The following LAMB2 variants were observed in gnomAD, a reference collection of about 807,000 sequenced individuals.
The protein encoded by LAMB2 is laminin subunit beta 2.
In LAMB2, 119 loss-of-function variants were observed where a neutral mutation model predicts 202.7. That is an observed-to-expected ratio of 0.59 (90% confidence interval 0.51 to 0.68). The LOEUF (loss-of-function observed/expected upper bound fraction) is 0.68. Ranked by LOEUF, LAMB2 falls within the 30% of genes least tolerant of loss-of-function variation. The probability of loss-of-function intolerance (pLI) is 0.00; values close to 1 mark genes in which losing one functional copy is unlikely to be tolerated. For missense variants in LAMB2, 2,124 were observed against 2,410.6 expected, an observed-to-expected ratio of 0.88 and a Z score of 2.49; for synonymous variants, 818 against 902.2, an observed-to-expected ratio of 0.91 and a Z score of 1.67.
Position 49,122,365 on chromosome 3 carries a change from C to T in LAMB2, c.4579G>A (p.Gly1527Arg). The T allele has an allele frequency of 6.2e-7, 1 of 1,613,184 alleles. No individual in the cohort carries two copies. The highest frequency in any genetic ancestry group is 1.6e-4 in the Middle Eastern group (1 of 6,062). Residue 1527 changes from glycine (G) to arginine (R), a missense_variant, in exon 28 of 32, where the codon GGG becomes AGG. Gly to Arg is a moderately radical substitution (Grantham distance 125, BLOSUM62 -2). Coordinates refer to ENST00000305544, the MANE Select transcript of LAMB2 (RefSeq NM_002292.4). ...QSVKDFLNQE[G>R]ADPDSIEMVA... is the part of the protein sequence containing the mutation. The stretch of plus-strand genomic sequence containing the variant: ...ATTTCAATGCTATCAGGATCAGCCC[C>T]CTCCTCTATAGGGACACAGCAAGAA...
At chr3:49,127,317 A>G (rs575351208) in intron 15 of LAMB2, among the ~76,000 whole-genome samples, 1 of 152,274 alleles carries the variant, frequency 6.6e-6, no homozygotes, top group East Asian at 1.9e-4. Flanking sequence ...CACAAGTCAC[A>G]GTTGGCAAAA....
chr3:49,130,917 C>T lies in LAMB2; in HGVS notation c.915+33G>A, dbSNP rs1560076514. ...TGCTCAGCCATGTCCGCCCCTGCCC[C>T]TAGCCCTATCCCAACCGTCTGAAGC... On this transcript the variant is annotated intron_variant, in intron 7 of 31. Transcript: ENST00000305544. The surrounding 1 kb of genome is among the most constrained non-coding windows in gnomAD (Gnocchi z 5.0). The T allele has an allele frequency of 3.7e-6, 6 of 1,614,172 alleles. No homozygotes were observed. Among genetic ancestry groups the T allele is most frequent in the Non-Finnish European group, 4.2e-6 (5 of 1,180,034 alleles).
Position 49,122,323 on chromosome 3 carries a change from G to C in LAMB2, c.4621C>G (p.Leu1541Val). ...GCTGAAGCTGGGATGGAGAGCTCTA[G>C]CACCCGTGTGGCCACCATTTCAATG... ...DSIEMVATRV[L>V]ELSIPASAEQ... is the part of the protein sequence containing the mutation. Residue 1541 changes from leucine to valine, a missense_variant, in exon 28 of 32, where the codon CTA becomes GTA. Around this residue, in one of 3 missense-constraint regions of LAMB2, gnomAD observed 1,702 missense variants for 1,896.3 expected, o/e 0.90. Transcript: ENST00000305544. The C allele has an allele frequency of 2.5e-6, 4 of 1,613,434 alleles. No individual in the cohort carries two copies. Among genetic ancestry groups the C allele is most frequent in the Non-Finnish European group, 3.4e-6 (4 of 1,179,986 alleles).
Position 49,130,322 on chromosome 3 carries a change from C to T in LAMB2, c.1134G>A (p.Gln378=). Residue 378 remains glutamine, a synonymous_variant, in exon 9 of 32, where the codon CAG becomes CAA. Coordinates refer to ENST00000305544, the MANE Select transcript of LAMB2 (RefSeq NM_002292.4). The surrounding 1 kb of genome is among the most constrained non-coding windows in gnomAD (Gnocchi z 5.0). Reference sequence around the variant, plus strand: ...CACAGTGGCGCCCAGCTGTGTTATGCTGACATCCATCACACACACCTCCAC... The same window carrying T: ...CACAGTGGCGCCCAGCTGTGTTATGTTGACATCCATCACACACACCTCCAC... ...NVSGGVCDGC[Q]HNTAGRHCEL... 6.2e-7 allele frequency: 1 copy of T among 1,614,174 alleles called. No homozygotes were observed. The highest frequency in any genetic ancestry group is 8.5e-7 in the Non-Finnish European group (1 of 1,180,030).
At chr3:49,121,393 G>T (rs775193564) in intron 31 of LAMB2, 31 bp from the exon 32 acceptor site, 1 of 1,614,078 alleles carries the variant, frequency 6.2e-7, no homozygotes, top group Non-Finnish European at 8.5e-7. Context: ...TTTAGGGGGG[G>T]TTTCCCGCAG....
Position 49,130,933 on chromosome 3 carries a change from C to T in LAMB2, c.915+17G>A, listed in dbSNP as rs777848661. The T allele has an allele frequency of 1.2e-5, 19 of 1,614,014 alleles. No individual in the cohort carries two copies. The highest frequency in any genetic ancestry group is 1.7e-5 in the Admixed American group (1 of 60,014). On this transcript the variant is annotated intron_variant, in intron 7 of 31. Transcript: ENST00000305544. The surrounding 1 kb of genome is among the most constrained non-coding windows in gnomAD (Gnocchi z 5.0). ...CCCCTGCCCCTAGCCCTATCCCAACCGTCTGAAGCCCCTTACCATGCCCTC... is the reference window on the plus strand; with the variant it reads ...CCCCTGCCCCTAGCCCTATCCCAACTGTCTGAAGCCCCTTACCATGCCCTC...
rs2045478102 is a variant in LAMB2, at chr3:49,131,212, C to T, written c.713-60G>A. 2 of 1,546,592 alleles carry T rather than the reference C, an allele frequency of 1.3e-6. No individual in the cohort carries two copies. Among genetic ancestry groups the T allele is most frequent in the Non-Finnish European group, 1.8e-6 (2 of 1,123,182 alleles). Reference sequence around the variant, plus strand: ...AGGCCCTTGCTGCCCCATGTCCACCCAGGGGCTCAGCTGCCAAGGTCACCT... The same window carrying T: ...AGGCCCTTGCTGCCCCATGTCCACCTAGGGGCTCAGCTGCCAAGGTCACCT... On this transcript the variant is annotated intron_variant, in intron 6 of 31. Transcript: ENST00000305544. This position sits in a 1 kb window ranked among gnomAD's most constrained non-coding sequence, Gnocchi z 5.0.
chr3:49,132,519 T>C lies in LAMB2; in HGVS notation c.221A>G (p.Gln74Arg). The C allele has an allele frequency of 6.2e-7, 1 of 1,613,850 alleles. No homozygotes were observed. Among genetic ancestry groups the C allele is most frequent in the Non-Finnish European group, 8.5e-7 (1 of 1,180,022 alleles). Reference sequence around the variant, plus strand: ...CAGGTGACTGACGATGCAGTAGGGCTGGGGGCCATTCAGGCCACAAGTGGA... The same window carrying C: ...CAGGTGACTGACGATGCAGTAGGGCCGGGGGCCATTCAGGCCACAAGTGGA... ...ASSTCGLNGPQPYCIVSHLQD... is the reference protein window; with the variant it reads ...ASSTCGLNGPRPYCIVSHLQD... The change falls in exon 2 of 32, where the codon CAG becomes CGG. Residue 74 changes from glutamine (Q) to arginine (R), a missense_variant. Coordinates refer to ENST00000305544, the MANE Select transcript of LAMB2 (RefSeq NM_002292.4). This position sits in a 1 kb window ranked among gnomAD's most constrained non-coding sequence, Gnocchi z 4.6.
rs1391931430 is a variant in LAMB2, at chr3:49,129,736, T to C, written c.1406-20A>G. Reference sequence around the variant, plus strand: ...GACATCCTGCAGGGAAGGAGAACCATCAGCACTTTGGGAAACTGTGGCAGT... The same window carrying C: ...GACATCCTGCAGGGAAGGAGAACCACCAGCACTTTGGGAAACTGTGGCAGT... On this transcript the variant is annotated intron_variant, in intron 10 of 31. Transcript: ENST00000305544. The surrounding 1 kb of genome is among the most constrained non-coding windows in gnomAD (Gnocchi z 6.1). 2.5e-6 allele frequency: 4 copies of C among 1,611,732 alleles called. No individual in the cohort carries two copies. The highest frequency in any genetic ancestry group is 3.4e-6 in the Non-Finnish European group (4 of 1,178,056).
chr3:49,122,425 G>A, intron 27 of LAMB2, 55 bp from the exon 28 acceptor site: 5 of 1,552,370 alleles, frequency 3.2e-6, no homozygotes, highest in Non-Finnish European at 4.4e-6. Flanking sequence ...TGGGCATGAG[G>A]ATACAGTTTT....
intron 15 of LAMB2, among the ~76,000 whole-genome samples, chr3:49,127,423 C>G (rs572835725): frequency 6.6e-6 from 1 of 152,310 alleles, no homozygotes; most frequent in East Asian, 1.9e-4. Flanking sequence ...AGGTCAAGTG[C>G]AGTGGTTCAC....
Position 49,124,017 on chromosome 3 carries a change from C to T in LAMB2, c.3508G>A (p.Gly1170Ser). 1 of 1,613,656 alleles carries T rather than the reference C, an allele frequency of 6.2e-7. No individual in the cohort carries two copies. Among genetic ancestry groups the T allele is most frequent in the Non-Finnish European group, 8.5e-7 (1 of 1,180,020 alleles). Residue 1170 changes from glycine to serine, a missense_variant, in exon 24 of 32, where the codon GGT (glycine) becomes AGT (serine). This residue lies in a region of LAMB2 where 1,702 missense variants were observed against 1,896.3 expected (regional missense o/e 0.90). Coordinates refer to ENST00000305544, the MANE Select transcript of LAMB2 (RefSeq NM_002292.4). ...GHCSCRPGVS[G>S]VRCDQCARGF... Reference sequence around the variant, plus strand: ...CGGGCACACTGGTCACAGCGCACACCAGACACCCCTGGGCGGCAGCTGCAG... The same window carrying T: ...CGGGCACACTGGTCACAGCGCACACTAGACACCCCTGGGCGGCAGCTGCAG...
Position 49,131,011 on chromosome 3 carries a change from C to G in LAMB2, c.854G>C (p.Cys285Ser). The G allele has an allele frequency of 6.2e-7, 1 of 1,614,022 alleles. No homozygotes were observed. The highest frequency in any genetic ancestry group is 8.5e-7 in the Non-Finnish European group (1 of 1,180,032). ...TGCACACTCTGAGGCGTGTCCGTAG[C>G]AGAAGCAGTTGCCACGTACAACCAG... ...YELVVRGNCF[C>S]YGHASECAPA... The change falls in exon 7 of 32, where the codon TGC becomes TCC. Residue 285 changes from cysteine (C) to serine (S), a missense_variant. Physicochemically the swap from Cys to Ser is moderately radical, Grantham distance 112. Around this residue, in one of 3 missense-constraint regions of LAMB2, gnomAD observed 256 missense variants for 356.1 expected, o/e 0.72. Coordinates refer to ENST00000305544, the MANE Select transcript of LAMB2 (RefSeq NM_002292.4). This position sits in a 1 kb window ranked among gnomAD's most constrained non-coding sequence, Gnocchi z 5.0.
At position 49,131,633 on chromosome 3, in the gene LAMB2, C is replaced by T. The variant is rs745933170; in HGVS notation, c.550G>A (p.Ala184Thr). The T allele has an allele frequency of 1.9e-6, 3 of 1,613,796 alleles. No individual in the cohort carries two copies. The highest frequency in any genetic ancestry group is 2.5e-6 in the Non-Finnish European group (3 of 1,180,010). ...GCTAGTGGGACTCCTGGGAAGTCAGCCCCACAGTCATAGGAGAAATATCGG... is the reference window on the plus strand; with the variant it reads ...GCTAGTGGGACTCCTGGGAAGTCAGTCCCACAGTCATAGGAGAAATATCGG... The part of the protein sequence containing the change: ...VYRYFSYDCG[A>T]DFPGVPLAPP... Residue 184 changes from alanine (A) to threonine (T), a missense_variant, in exon 5 of 32, where the codon GCT becomes ACT. Ala to Thr is a moderately conservative substitution (Grantham distance 58, BLOSUM62 0). Transcript: ENST00000305544. This position sits in a 1 kb window ranked among gnomAD's most constrained non-coding sequence, Gnocchi z 5.0.
At chr3:49,126,180 G>T (rs771181189) in intron 16 of LAMB2, 21 bp from the exon 17 acceptor site, 43 of 1,610,772 alleles carry the variant, frequency 2.7e-5, no homozygotes, top group Non-Finnish European at 3.6e-5. Context: ...GAGCAAGGAA[G>T]ATCGCAGTTC....
In LAMB2 at chr3:49,121,347, T is replaced by C. The variant is rs781413843; in HGVS notation, c.5276A>G (p.Tyr1759Cys). The C allele has an allele frequency of 9.9e-6, 16 of 1,613,756 alleles. No homozygotes were observed. The highest frequency in any genetic ancestry group is 1.3e-5 in the Non-Finnish European group (15 of 1,179,952). Residue 1759 changes from tyrosine to cysteine, a missense_variant, in exon 32 of 32, where the codon TAT (tyrosine) becomes TGT (cysteine). This residue lies in a region of LAMB2 where 1,702 missense variants were observed against 1,896.3 expected (regional missense o/e 0.90). Transcript: ENST00000305544. ...CTCCAGTGCCCGCTCATTTTCCTCA[T>C]AGGTGCCTTCCAATTCTAGGAAGGG... is the stretch of plus-strand genomic sequence containing the variant. ...LQRLQELEGTYEENERALESK... is the reference protein window; with the variant it reads ...LQRLQELEGTCEENERALESK...
rs1560072414 is a variant in LAMB2 at position 49,124,224 on chromosome 3, C to T, written c.3390G>A (p.Glu1130=). 3 of 1,614,006 alleles carry T rather than the reference C, an allele frequency of 1.9e-6. No homozygotes were observed. The highest frequency in any genetic ancestry group is 2.5e-6 in the Non-Finnish European group (3 of 1,179,946). The change falls in exon 23 of 32, where the codon GAG becomes GAA. Residue 1130 remains glutamate (E), a synonymous_variant. Transcript: ENST00000305544. ...GCAACCCAGGGTCTCCCCAGTGGAG[C>T]TCTTGGCACTCAGAACAAGTCCGCC... is the stretch of plus-strand genomic sequence containing the variant. The part of the protein sequence containing the change: ...FGGRTCSECQ[E]LHWGDPGLQC...
rs540665108 is a variant in LAMB2 at position 49,132,213 on chromosome 3, G to A, written c.386-24C>T. 19 of 1,614,002 alleles carry A rather than the reference G, an allele frequency of 1.2e-5. No homozygotes were observed. The East Asian group carries it at 4.2e-4, about 36-fold the overall frequency. ...ACCTGGGACAGGAATCGGAAGTCAA[G>A]GACTCAAAGCTACTGGTGGGCAGCC... On this transcript the variant is annotated intron_variant, in intron 3 of 31. Coordinates refer to ENST00000305544, the MANE Select transcript of LAMB2 (RefSeq NM_002292.4). The surrounding 1 kb of genome is among the most constrained non-coding windows in gnomAD (Gnocchi z 4.6).
chr3:49,127,631 C>CT (rs1268771869), intron 15 of LAMB2, among the ~76,000 whole-genome samples: 4 of 150,622 alleles, frequency 2.7e-5, no homozygotes, highest in Non-Finnish European at 5.9e-5. Flanking sequence ...GGAGGTGGAG[C>CT]TTGCAGTGAG....
Sources: gnomAD v4.1 joint callset for allele counts (sites outside exome capture counted in the v4.1 genomes callset) on GRCh38, gnomAD v4.1.1 for gene constraint, gnomAD v4.1.1 regional missense constraint, Gnocchi (gnomAD v3.1) non-coding constraint, MANE v1.5 for transcripts, NCBI Gene and HGNC (gene_info 2026-07-23, HGNC 2026-07-21) for gene names.